RUNX1T1: variants seen among roughly 807,000 people sequenced by gnomAD.
RUNX1T1 encodes the protein RUNX1 partner transcriptional co-repressor 1.
In RUNX1T1, 4 loss-of-function variants were observed where a neutral mutation model predicts 62.8. The observed-to-expected ratio is 0.06, with a 90% CI of 0.03 to 0.15. RUNX1T1 has a LOEUF of 0.15. RUNX1T1 is among the 10% of genes least tolerant of loss of function. RUNX1T1 has a pLI of 1.00. For missense variants in RUNX1T1, 508 were observed against 754.3 expected (o/e 0.67, Z 3.82); for synonymous variants, 291 against 286.0 (o/e 1.02, Z -0.18).
At chr8:91,956,954 G>T, downstream of RUNX1T1, 1 of 154,570 alleles carries the variant, frequency 6.5e-6, no homozygotes. Flanking sequence ...AAATCCCCAA[G>T]ACATGCACCT....
At position 92,017,585 on chromosome 8, in the gene RUNX1T1, T is replaced by C; in HGVS notation, c.8-222A>G. On this transcript the variant is annotated intron_variant, in intron 1 of 10. Transcript: ENST00000396218. ...GACCTCATTTGTAACTAGGTTATAT[T>C]ATATCCTATTGTTATTTCTGGCTTA... The C allele has an allele frequency of 2.8e-6, 4 of 1,417,000 alleles. 1 individual carries two copies. In the South Asian group the frequency reaches 6.0e-5, roughly 21 times the overall value. 87.8% of individuals were successfully genotyped at this position (1,417,000 alleles called of 1,614,324 possible). A position where few individuals can be genotyped will look rare whatever the true frequency, so the allele number is the denominator to read the frequency against.
At chr8:92,055,519 G>A (rs1383151061) in intron 1 of RUNX1T1, among the ~76,000 whole-genome samples, 1 of 152,104 alleles carries the variant, frequency 6.6e-6, no homozygotes, top group African/African-American at 2.4e-5. Context: ...ATAGCTCACT[G>A]CAAACTTGAA....
rs527941124 is a variant in RUNX1T1, at chr8:92,071,022, T to G, written c.88+4943A>C. ...AAAATCCTCTTATATTCATGGGATC[T>G]CCCAAATGGCTCCATCTCCAAGCAC... On this transcript the variant is annotated intron_variant, in intron 2 of 11. Transcript: ENST00000265814. Among the ~76,000 whole-genome samples the G allele has an allele frequency of 2.6e-5, 4 of 152,330 alleles. No homozygotes were observed. The South Asian group carries it at 8.3e-4, about 32-fold the overall frequency.
At chr8:91,973,677 C>A (rs2130665679) in intron 9 of RUNX1T1, among the ~76,000 whole-genome samples, 1 of 152,094 alleles carries the variant, frequency 6.6e-6, no homozygotes, top group African/African-American at 2.4e-5. Flanking sequence ...CAAATTGTAA[C>A]AAGCTGAGTG....
At chr8:92,009,021 T>C (rs543738319) in intron 4 of RUNX1T1, among the ~76,000 whole-genome samples, 2 of 152,304 alleles carry the variant, frequency 1.3e-5, no homozygotes, top group South Asian at 4.1e-4. Context: ...ATACATTCAT[T>C]GCCACACAGC....
At chr8:92,035,002 C>T (rs373963135) in intron 1 of RUNX1T1, among the ~76,000 whole-genome samples, 4 of 152,010 alleles carry the variant, frequency 2.6e-5, no homozygotes, top group African/African-American at 4.8e-5. Flanking sequence ...ACACATGTAA[C>T]GAATGGGATA....
At chr8:91,960,142 T>C in exon 11 of RUNX1T1, 1 of 1,245,150 alleles carries the variant, frequency 8.0e-7, no homozygotes, top group African/African-American at 1.5e-5. Flanking sequence ...ATTCATCTAA[T>C]AAACAAACAA....
At chr8:92,092,177 T>C (rs572956089) in intron 1 of RUNX1T1, among the ~76,000 whole-genome samples, 1 of 152,262 alleles carries the variant, frequency 6.6e-6, no homozygotes, top group Admixed American at 6.5e-5. Context: ...CCATGTTTTA[T>C]ATGGATAGCG....
intron 1 of RUNX1T1, among the ~76,000 whole-genome samples, chr8:92,093,527 C>T (rs1837347153): frequency 6.6e-6 from 1 of 152,190 alleles, no homozygotes; most frequent in South Asian, 2.1e-4. Context: ...AAAATACATA[C>T]ATCTCACTTT....
intron 1 of RUNX1T1, among the ~76,000 whole-genome samples, chr8:92,094,320 A>G (rs558439307): frequency 6.6e-6 from 1 of 152,304 alleles, no homozygotes; most frequent in East Asian, 1.9e-4. Flanking sequence ...CAAAACAACC[A>G]TCTTTTCCAC....
At chr8:92,068,893 T>C (rs1418096140) in intron 2 of RUNX1T1, among the ~76,000 whole-genome samples, 1 of 152,186 alleles carries the variant, frequency 6.6e-6, no homozygotes, top group Non-Finnish European at 1.5e-5. Flanking sequence ...TGCAGCTTAA[T>C]AAAAGCAATT....
intron 1 of RUNX1T1, among the ~76,000 whole-genome samples, chr8:92,022,684 C>T (rs1490453829): frequency 6.6e-6 from 1 of 152,144 alleles, no homozygotes; most frequent in African/African-American, 2.4e-5. Flanking sequence ...CATTTCCCAG[C>T]CTCCAGAAGT....
intron 8 of RUNX1T1, 52 bp from the exon 10 acceptor site, chr8:91,976,025 C>G (rs758449081): frequency 2.4e-6 from 3 of 1,274,780 alleles, no homozygotes; most frequent in Non-Finnish European, 3.4e-6. Context: ...ACTGTAAGCA[C>G]ACTTGTGTCA....
At chr8:92,064,070 A>T (rs902268597), upstream of RUNX1T1, among the ~76,000 whole-genome samples, 1 of 152,144 alleles carries the variant, frequency 6.6e-6, no homozygotes, top group African/African-American at 2.4e-5. Flanking sequence ...AAATTTCTGA[A>T]AACAGAGGCA....
chr8:91,967,976 T>C, intron 10 of RUNX1T1, among the ~76,000 whole-genome samples: 1 of 152,326 alleles, frequency 6.6e-6, no homozygotes, highest in South Asian at 2.1e-4. Context: ...TATTGTGTTA[T>C]AGCTTTCAAA....
intron 8 of RUNX1T1, among the ~76,000 whole-genome samples, chr8:91,976,249 A>C (rs1813918301): frequency 6.6e-6 from 1 of 152,228 alleles, no homozygotes; most frequent in Non-Finnish European, 1.5e-5. Context: ...GTTTGGGAAC[A>C]CTGTTCTCAG....
At chr8:92,068,331 T>C (rs1324639206) in intron 2 of RUNX1T1, among the ~76,000 whole-genome samples, 1 of 152,136 alleles carries the variant, frequency 6.6e-6, no homozygotes, top group Non-Finnish European at 1.5e-5. Flanking sequence ...CACCTCCTCA[T>C]CTTGACTAAT....
chr8:91,994,697 G>T, intron 5 of RUNX1T1: 1 of 444,386 alleles, frequency 2.3e-6, no homozygotes, highest in Non-Finnish European at 4.5e-6. Flanking sequence ...GGTAGGCAAT[G>T]AAGAACTTTT....
upstream of RUNX1T1, among the ~76,000 whole-genome samples, chr8:92,101,917 T>A (rs1005287278): frequency 6.6e-6 from 1 of 152,154 alleles, no homozygotes; most frequent in African/African-American, 2.4e-5. Context: ...CGGCGGGCCC[T>A]GGAGCGCGTC....
Sources: gnomAD v4.1 joint callset for allele counts (sites outside exome capture counted in the v4.1 genomes callset) on GRCh38, gnomAD v4.1.1 for gene constraint, MANE v1.5 for transcripts, NCBI Gene and HGNC (gene_info 2026-07-23, HGNC 2026-07-21) for gene names.